Variants in UVRAG observed in about 807,000 individuals in gnomAD.
UVRAG encodes the protein UV radiation resistance associated.
In UVRAG, 19 loss-of-function variants were observed where a neutral mutation model predicts 78.0. That is an observed-to-expected ratio of 0.24 (90% CI 0.17 to 0.36). UVRAG has a LOEUF of 0.36. Among genes scored for constraint, UVRAG ranks in the 10% least tolerant of loss-of-function variants. The pLI, the probability that UVRAG is intolerant of heterozygous loss-of-function variation, is 1.00. For synonymous variants in UVRAG, 323 were observed against 324.6 expected (o/e 1.00, Z 0.05); for missense variants, 740 against 853.8 (o/e 0.87, Z 1.66).
intron 6 of UVRAG, among the ~76,000 whole-genome samples, chr11:75,920,785 G>C (rs1947964564): frequency 6.6e-6 from 1 of 152,054 alleles, no homozygotes; most frequent in South Asian, 2.1e-4. Flanking sequence ...TATGTATATG[G>C]TTTGAATTAA....
chr11:76,018,349 G>T (rs1422526259), intron 12 of UVRAG, among the ~76,000 whole-genome samples: 1 of 151,242 alleles, frequency 6.6e-6, no homozygotes, highest in African/African-American at 2.4e-5. Context: ...GAGCTTTATT[G>T]TGAAAAATCA....
intron 13 of UVRAG, among the ~76,000 whole-genome samples, chr11:76,067,432 A>G (rs1273550390): frequency 2.0e-5 from 3 of 152,202 alleles, no homozygotes; most frequent in Non-Finnish European, 4.4e-5. Context: ...TGCCATGGAA[A>G]AGGCAGTGCT....
chr11:75,830,473 A>C (rs560350673), intron 1 of UVRAG, among the ~76,000 whole-genome samples: 1 of 151,824 alleles, frequency 6.6e-6, no homozygotes, highest in East Asian at 2.0e-4. Context: ...GGGTTTTACC[A>C]TGTTAGCCAG....
intron 12 of UVRAG, among the ~76,000 whole-genome samples, chr11:76,018,298 T>G (rs1444245117): frequency 6.6e-6 from 1 of 151,934 alleles, no homozygotes; most frequent in Non-Finnish European, 1.5e-5. Context: ...GAATGGGAGC[T>G]CCATTGTATG....
intron 11 of UVRAG, 67 bp downstream of exon 11, chr11:76,008,934 C>G: frequency 2.1e-6 from 2 of 971,082 alleles, no homozygotes; most frequent in Non-Finnish European, 3.0e-6. Flanking sequence ...TCTTGAAATG[C>G]TGGTTGCCTA....
At chr11:75,833,813 T>C (rs1056071191) in intron 1 of UVRAG, among the ~76,000 whole-genome samples, 3 of 152,246 alleles carry the variant, frequency 2.0e-5, no homozygotes, top group Admixed American at 2.0e-4. Context: ...GAGCATGTCC[T>C]TAAGGCACAG....
chr11:75,879,435 G>A (rs893518059), intron 3 of UVRAG, among the ~76,000 whole-genome samples: 2 of 152,170 alleles, frequency 1.3e-5, no homozygotes, highest in Non-Finnish European at 2.9e-5. Context: ...CTGTTCATCA[G>A]TTTATTTTTC....
chr11:75,916,993 A>G (rs1189377281), intron 6 of UVRAG, among the ~76,000 whole-genome samples: 1 of 152,230 alleles, frequency 6.6e-6, no homozygotes, highest in East Asian at 1.9e-4. Context: ...GCAATTGGGA[A>G]TGTTACAAAC....
At chr11:76,093,467 A>G (rs1017867876) in intron 13 of UVRAG, among the ~76,000 whole-genome samples, 2 of 152,188 alleles carry the variant, frequency 1.3e-5, no homozygotes, top group African/African-American at 2.4e-5. Context: ...CATTTTCACA[A>G]TATTGATTCT....
At position 76,101,216 on chromosome 11, in the gene UVRAG, A is replaced by AGT. The variant is rs548926655; in HGVS notation, c.1306-14705_1306-14704dup. 3.3e-3 allele frequency among the ~76,000 whole-genome samples: 496 copies of AGT among 152,250 alleles called. 6 individuals carry two copies. The highest frequency in any genetic ancestry group is 0.017 in the Middle Eastern group (5 of 294). ...TGAACTAATTTACACTCCTGCCAAC[A>AGT]GTGTATAAGCTTTCCTTTTCCCCCT... On this transcript the variant is annotated intron_variant, in intron 13 of 14. Coordinates refer to ENST00000356136, the MANE Select transcript of UVRAG (RefSeq NM_003369.4).
chr11:76,139,126 GC>G (rs1404351079), intron 14 of UVRAG, among the ~76,000 whole-genome samples: 9 of 152,260 alleles, frequency 5.9e-5, no homozygotes, highest in African/African-American at 1.9e-4. Flanking sequence ...AGTACTCACA[GC>G]CAGGCAGAGG....
chr11:75,848,318 G>T (rs1422665231), intron 1 of UVRAG, among the ~76,000 whole-genome samples: 1 of 152,156 alleles, frequency 6.6e-6, no homozygotes, highest in Non-Finnish European at 1.5e-5. Context: ...GTAAAATAAA[G>T]GAAAAGGGCA....
chr11:75,928,939 CAAAAAAAAAAAAAAAA>C, intron 6 of UVRAG, among the ~76,000 whole-genome samples: 1 of 67,494 alleles, frequency 1.5e-5, no homozygotes, highest in African/African-American at 7.8e-5. Flanking sequence ...GAGACTGTCT[CAAAAAAAAAAAAAAAA>C]AAAAAAAAAG....
intron 14 of UVRAG, among the ~76,000 whole-genome samples, chr11:76,126,091 A>C (rs983366550): frequency 6.6e-6 from 1 of 151,030 alleles, no homozygotes; most frequent in African/African-American, 2.5e-5. Context: ...CTGGGACCAC[A>C]GGCGCATGCC....
intron 14 of UVRAG, among the ~76,000 whole-genome samples, chr11:76,120,091 C>G (rs186570376): frequency 1.3e-5 from 2 of 152,194 alleles, no homozygotes; most frequent in African/African-American, 4.8e-5. Flanking sequence ...CTCACCTCAT[C>G]GCCTCATAGA....
chr11:75,865,618 CTT>C (rs1255366200), intron 3 of UVRAG, among the ~76,000 whole-genome samples: 4 of 144,184 alleles, frequency 2.8e-5, no homozygotes, highest in Admixed American at 6.9e-5. Context: ...GAAAAGCTTT[CTT>C]TTTTTTTTTT....
chr11:75,953,815 C>T (rs775379055), intron 6 of UVRAG, among the ~76,000 whole-genome samples: 2 of 152,090 alleles, frequency 1.3e-5, no homozygotes, highest in Non-Finnish European at 2.9e-5. Context: ...ACCAGAATAC[C>T]TATCGGATAG....
At chr11:75,881,249 C>T (rs940626864) in intron 4 of UVRAG, among the ~76,000 whole-genome samples, 1 of 152,146 alleles carries the variant, frequency 6.6e-6, no homozygotes, top group Non-Finnish European at 1.5e-5. Context: ...CCCAGAAAGA[C>T]GTGCCCAAGG....
At chr11:76,061,568 G>A (rs974181216) in intron 12 of UVRAG, among the ~76,000 whole-genome samples, 2 of 152,066 alleles carry the variant, frequency 1.3e-5, no homozygotes, top group East Asian at 1.9e-4. Flanking sequence ...GCGAGACCAC[G>A]AACCCACCGG....
Sources: allele counts gnomAD v4.1 joint callset (sites outside exome capture counted in the v4.1 genomes callset), GRCh38; gene constraint gnomAD v4.1.1; transcripts MANE v1.5; gene names NCBI Gene and HGNC (gene_info 2026-07-23, HGNC 2026-07-21).